The following RNF121 variants were observed in gnomAD, a reference collection of about 807,000 sequenced individuals.
The protein encoded by RNF121 is E3 ubiquitin ligase RNF121.
A neutral mutation model predicts 46.5 loss-of-function variants in RNF121; 21 were observed. The observed-to-expected ratio is 0.45, with a 90% CI of 0.32 to 0.65. RNF121 has a LOEUF of 0.65. Among genes scored for constraint, RNF121 ranks in the 30% least tolerant of loss-of-function variants. The probability of loss-of-function intolerance (pLI) is 0.04; values close to 1 mark genes in which losing one functional copy is unlikely to be tolerated. For missense variants in RNF121, 346 were observed against 416.0 expected (o/e 0.83, Z 1.46); for synonymous variants, 139 against 144.7 (o/e 0.96, Z 0.28).
chr11:71,982,871 T>A lies in RNF121; in HGVS notation c.354T>A (p.Val118=). The change falls in exon 4 of 9, where the codon GTT becomes GTA. Residue 118 remains valine, a synonymous_variant. Transcript: ENST00000361756. The part of the protein sequence containing the change: ...WILFSAVTAF[V]TFRATRKPLV... The stretch of plus-strand genomic sequence containing the variant: ...TGTTCTCTGCTGTCACAGCCTTTGT[T>A]ACCTTCCGAGCCACCCGAAAACCTC... 1 of 1,613,816 alleles carries A rather than the reference T, an allele frequency of 6.2e-7. No individual in the cohort carries two copies. The highest frequency in any genetic ancestry group is 8.5e-7 in the Non-Finnish European group (1 of 1,179,864).
intron 5 of RNF121, among the ~76,000 whole-genome samples, chr11:71,990,357 G>A (rs747754046): frequency 6.6e-6 from 1 of 152,210 alleles, no homozygotes; most frequent in Non-Finnish European, 1.5e-5. Context: ...TGAGGAAAAG[G>A]GGTAGGAGGG....
chr11:71,930,777 A>G (rs1284280171), intron 1 of RNF121, among the ~76,000 whole-genome samples: 1 of 152,236 alleles, frequency 6.6e-6, no homozygotes, highest in Non-Finnish European at 1.5e-5. Context: ...CTGTAGTTAC[A>G]TATGTCAGGG....
chr11:71,994,265 G>C (rs543792466), intron 6 of RNF121, among the ~76,000 whole-genome samples: 1 of 152,192 alleles, frequency 6.6e-6, no homozygotes, highest in Admixed American at 6.5e-5. Context: ...AAATGTCTGA[G>C]AATGCCCTTG....
chr11:71,936,691 G>A (rs1032980399), intron 1 of RNF121, among the ~76,000 whole-genome samples: 2 of 152,134 alleles, frequency 1.3e-5, no homozygotes, highest in African/African-American at 4.8e-5. Flanking sequence ...ACTGCGCCCG[G>A]CCTTTTTCAG....
chr11:71,976,326 C>T (rs185226408), intron 3 of RNF121, among the ~76,000 whole-genome samples: 1 of 151,250 alleles, frequency 6.6e-6, no homozygotes, highest in African/African-American at 2.4e-5. Flanking sequence ...CCTGCTGCCC[C>T]CTCCATTCTG....
rs551846611 is a variant in RNF121, at chr11:71,969,729, A to G, written c.243+8838A>G. On this transcript the variant is annotated intron_variant, in intron 3 of 8. Transcript: ENST00000361756. ...AGGTGTGCACCACCCTTGCCTGGCT[A>G]ATTTAAAAATTTTTTTTCTAGAGAT... Among the ~76,000 whole-genome samples, 27 of 152,148 alleles carry G rather than the reference A, an allele frequency of 1.8e-4. No homozygotes were observed. The South Asian group carries it at 5.6e-3, about 32-fold the overall frequency.
intron 1 of RNF121, among the ~76,000 whole-genome samples, chr11:71,934,614 A>G (rs1590763932): frequency 6.6e-6 from 1 of 152,332 alleles, no homozygotes; most frequent in East Asian, 1.9e-4. Context: ...GGTCCAAGCC[A>G]ATATCTTACT....
intron 1 of RNF121, among the ~76,000 whole-genome samples, chr11:71,945,700 C>T (rs1234355267): frequency 6.6e-6 from 1 of 152,102 alleles, no homozygotes; most frequent in African/African-American, 2.4e-5. Flanking sequence ...ATTTCAGATC[C>T]ACTAGGATGG....
chr11:71,929,588 T>TA (rs1476139410), intron 1 of RNF121, among the ~76,000 whole-genome samples: 3 of 152,206 alleles, frequency 2.0e-5, no homozygotes, highest in African/African-American at 7.2e-5. Context: ...TGAGTTATCT[T>TA]AAAGTTGGAA....
intron 1 of RNF121, among the ~76,000 whole-genome samples, chr11:71,940,282 C>T (rs1452125358): frequency 2.6e-5 from 4 of 152,022 alleles, no homozygotes; most frequent in African/African-American, 9.7e-5. Context: ...ACATGTAGTC[C>T]AGTTGGAAAG....
Position 71,995,525 on chromosome 11 carries a change from A to G in RNF121, c.837A>G (p.Val279=), listed in dbSNP as rs111650927. 8.8e-6 allele frequency: 14 copies of G among 1,592,802 alleles called. No individual in the cohort carries two copies. Among genetic ancestry groups the G allele is most frequent in the Non-Finnish European group, 1.2e-5 (14 of 1,167,744 alleles). ...CGTGTCCCTACTGCAAAGAGAAGGT[A>G]GACCTCAAGAGGATGTTCAGCAATC... ...KQTCPYCKEK[V]DLKRMFSNPW... Residue 279 remains valine (V), a synonymous_variant, in exon 8 of 9, where the codon GTA becomes GTG. Coordinates refer to ENST00000361756, the MANE Select transcript of RNF121 (RefSeq NM_018320.5).
chr11:71,995,228 T>C (rs1020612318), intron 7 of RNF121: 2 of 589,776 alleles, frequency 3.4e-6, no homozygotes, highest in Admixed American at 3.0e-5. Context: ...TCTGCCTATG[T>C]TGGGAAAGCC....
chr11:71,936,690 G>A (rs1000608455), intron 1 of RNF121, among the ~76,000 whole-genome samples: 49 of 152,208 alleles, frequency 3.2e-4, no homozygotes, highest in Admixed American at 2.4e-3. Context: ...CACTGCGCCC[G>A]GCCTTTTTCA....
intron 5 of RNF121, 124 bp from the exon 6 acceptor site, chr11:71,990,473 G>A (rs1009307541): frequency 8.4e-7 from 1 of 1,186,960 alleles, no homozygotes. Flanking sequence ...GTCATAGTTT[G>A]CCCGCACTTG....
At chr11:71,930,303 C>T (rs943267321) in intron 1 of RNF121, among the ~76,000 whole-genome samples, 1 of 152,040 alleles carries the variant, frequency 6.6e-6, no homozygotes, top group African/African-American at 2.4e-5. Flanking sequence ...AGGCCCCTTG[C>T]TGTGTGTTGG....
At chr11:71,976,345 CTTTTTTTTTTT>C (rs35710756) in intron 3 of RNF121, among the ~76,000 whole-genome samples, 2 of 46,068 alleles carry the variant, frequency 4.3e-5, no homozygotes, top group Admixed American at 3.6e-4. Flanking sequence ...TGGGTATATT[CTTTTTTTTTTT>C]TTTTTTTTTT....
intron 3 of RNF121, among the ~76,000 whole-genome samples, chr11:71,967,349 G>GTTTTTTTTTTTTTTTT (rs770121817): frequency 2.0e-5 from 2 of 100,524 alleles, no homozygotes; most frequent in African/African-American, 4.1e-5. Flanking sequence ...GGTTTTTTTT[G>GTTTTTTTTTTTTTTTT]TTTTTTTTTT....
chr11:71,981,512 A>G (rs1028743230), intron 3 of RNF121, among the ~76,000 whole-genome samples: 1 of 152,060 alleles, frequency 6.6e-6, no homozygotes, highest in African/African-American at 2.4e-5. Flanking sequence ...ATCTTTTTTT[A>G]TACCTGCTAC....
Position 71,996,493 on chromosome 11 carries a change from T to A in RNF121, c.*178T>A. 1 of 626,006 alleles carries A rather than the reference T, an allele frequency of 1.6e-6. No individual in the cohort carries two copies. Among genetic ancestry groups the A allele is most frequent in the Non-Finnish European group, 2.7e-6 (1 of 372,764 alleles). The allele number at this position is 626,006 out of a possible 1,614,324, so 38.8% of individuals were successfully genotyped here. ...ATGATGGAGAGCCAGCCAGTGGGGC[T>A]GTCAGCAGTGGGGGGCTTTTTAAAA... On this transcript the variant is annotated 3_prime_UTR_variant, in exon 9 of 9. Coordinates refer to ENST00000361756, the MANE Select transcript of RNF121 (RefSeq NM_018320.5).
Sources: gnomAD v4.1 joint callset for allele counts (sites outside exome capture counted in the v4.1 genomes callset) on GRCh38, gnomAD v4.1.1 for gene constraint, MANE v1.5 for transcripts, NCBI Gene and HGNC (gene_info 2026-07-23, HGNC 2026-07-21) for gene names.